Variants in MAST2 observed in about 807,000 individuals in gnomAD.
MAST2 encodes the protein microtubule associated serine/threonine kinase 2.
In MAST2, 70 loss-of-function variants were observed where a neutral mutation model predicts 147.4. That is an observed-to-expected ratio of 0.47 (90% confidence interval 0.39 to 0.58). The LOEUF is 0.58. Among genes scored for constraint, MAST2 ranks in the 20% least tolerant of loss-of-function variants. The pLI, the probability that MAST2 is intolerant of heterozygous loss-of-function variation, is 0.00. For missense variants in MAST2, 2,080 were observed against 2,302.3 expected, an observed-to-expected ratio of 0.90 and a Z score of 1.98; for synonymous variants, 869 against 896.8, an observed-to-expected ratio of 0.97 and a Z score of 0.55.
rs1220098516 is a variant in MAST2 at position 45,899,453 on chromosome 1, G to C, written c.500+17058G>C. Among the ~76,000 whole-genome samples, 3 of 151,688 alleles carry C rather than the reference G, an allele frequency of 2.0e-5. No homozygotes were observed. The East Asian group carries it at 5.8e-4, about 30-fold the overall frequency. On this transcript the variant is annotated intron_variant, in intron 4 of 28. Coordinates refer to ENST00000361297, the MANE Select transcript of MAST2 (RefSeq NM_015112.3). The stretch of plus-strand genomic sequence containing the variant: ...CTCAATAGGTAGTTTTTCTATGCTT[G>C]CCATACCTCCTCTCCCCTTTTGGAG...
At chr1:45,912,836 T>TA (rs1200689995) in intron 4 of MAST2, among the ~76,000 whole-genome samples, 5 of 152,250 alleles carry the variant, frequency 3.3e-5, no homozygotes, top group African/African-American at 1.2e-4. Context: ...GGGCAAGACT[T>TA]ACAGTAATAG....
chr1:45,965,444 C>A (rs1403602253), intron 5 of MAST2, among the ~76,000 whole-genome samples: 1 of 152,108 alleles, frequency 6.6e-6, no homozygotes, highest in Non-Finnish European at 1.5e-5. Flanking sequence ...ATAGTTAGCT[C>A]TTCTTGTTGA....
chr1:45,857,850 G>GTTTTTTTTTTTTTTTTTTTTTTTT (rs35371770), intron 3 of MAST2, among the ~76,000 whole-genome samples: 2 of 66,574 alleles, frequency 3.0e-5, no homozygotes, highest in Non-Finnish European at 5.5e-5. Context: ...AACATGCGGT[G>GTTTTTTTTTTTTTTTTTTTTTTTT]TTTTTTTTTT....
At chr1:45,976,933 A>G (rs1425396086) in intron 5 of MAST2, among the ~76,000 whole-genome samples, 2 of 152,200 alleles carry the variant, frequency 1.3e-5, no homozygotes, top group African/African-American at 4.8e-5. Flanking sequence ...TCAAATTTAC[A>G]CGTATTCAGA....
intron 1 of MAST2, among the ~76,000 whole-genome samples, chr1:45,805,050 A>AC (rs1644098675): frequency 1.7e-5 from 1 of 58,152 alleles, no homozygotes; most frequent in Non-Finnish European, 3.2e-5. Flanking sequence ...TTTTCCTTAG[A>AC]CATTTTTTTT....
chr1:45,812,017 G>A (rs1481952209), intron 1 of MAST2, among the ~76,000 whole-genome samples: 2 of 151,784 alleles, frequency 1.3e-5, no homozygotes, highest in Non-Finnish European at 2.9e-5. Context: ...TGATCTGCCC[G>A]CCTTGGCCTC....
At chr1:45,987,776 G>GTTTTTTTTTTT (rs1644692974) in intron 5 of MAST2, among the ~76,000 whole-genome samples, 7 of 30,708 alleles carry the variant, frequency 2.3e-4, no homozygotes, top group Admixed American at 4.2e-4. Context: ...TTTTTTTTTT[G>GTTTTTTTTTTT]ATTTTTTTTT....
chr1:45,868,024 A>G (rs548216707), intron 3 of MAST2, among the ~76,000 whole-genome samples: 1 of 152,352 alleles, frequency 6.6e-6, no homozygotes, highest in African/African-American at 2.4e-5. Context: ...GTCACACACT[A>G]CAACATCCCT....
intron 5 of MAST2, among the ~76,000 whole-genome samples, chr1:45,995,348 C>CTTCTTCT (rs1417079489): frequency 6.6e-6 from 1 of 152,126 alleles, no homozygotes; most frequent in African/African-American, 2.4e-5. Context: ...ATGTACTTCT[C>CTTCTTCT]TTCTTCTTTC....
chr1:45,947,706 C>G (rs1658278894), intron 4 of MAST2, among the ~76,000 whole-genome samples: 1 of 152,192 alleles, frequency 6.6e-6, no homozygotes, highest in Non-Finnish European at 1.5e-5. Flanking sequence ...ACCTGATAGT[C>G]TCAGCCCAAA....
chr1:45,933,489 T>C (rs961290332), intron 4 of MAST2, among the ~76,000 whole-genome samples: 3 of 151,298 alleles, frequency 2.0e-5, no homozygotes, highest in Admixed American at 6.6e-5. Context: ...CCTTTAATCC[T>C]AGCACTTTGG....
intron 3 of MAST2, among the ~76,000 whole-genome samples, chr1:45,852,059 A>G (rs1373170254): frequency 2.0e-5 from 3 of 152,164 alleles, no homozygotes; most frequent in Non-Finnish European, 4.4e-5. Flanking sequence ...CAATAGTGTC[A>G]TCTTATATAG....
At chr1:45,983,272 C>T (rs2149070949) in intron 5 of MAST2, among the ~76,000 whole-genome samples, 1 of 152,266 alleles carries the variant, frequency 6.6e-6, no homozygotes, top group Non-Finnish European at 1.5e-5. Context: ...AAAGACTTAT[C>T]ATATGATGCC....
intron 5 of MAST2, among the ~76,000 whole-genome samples, chr1:45,985,151 G>A (rs1001480962): frequency 6.6e-6 from 1 of 151,872 alleles, no homozygotes; most frequent in South Asian, 2.1e-4. Context: ...TCCACCTCCC[G>A]GGTTCAAATG....
chr1:45,823,019 TACC>T (rs1017605047), intron 1 of MAST2, among the ~76,000 whole-genome samples: 1 of 152,194 alleles, frequency 6.6e-6, no homozygotes, highest in Admixed American at 6.5e-5. Context: ...TTTATTCACT[TACC>T]ACCATGTTTT....
chr1:45,847,263 T>G, intron 3 of MAST2: 2 of 510,234 alleles, frequency 3.9e-6, no homozygotes, highest in Non-Finnish European at 7.9e-6. Flanking sequence ...CATCGTCTGC[T>G]TGATGATGGT....
chr1:45,917,754 T>G (rs993594107), intron 4 of MAST2, among the ~76,000 whole-genome samples: 7 of 152,198 alleles, frequency 4.6e-5, no homozygotes, highest in African/African-American at 7.2e-5. Context: ...TTATAAGTTG[T>G]GTGCCCATCC....
At chr1:45,807,280 C>T (rs1181542240) in intron 1 of MAST2, among the ~76,000 whole-genome samples, 1 of 152,074 alleles carries the variant, frequency 6.6e-6, no homozygotes, top group African/African-American at 2.4e-5. Flanking sequence ...CTTCCTGTTC[C>T]TGAAATGTTC....
chr1:45,964,059 T>A (rs970237699), intron 5 of MAST2, among the ~76,000 whole-genome samples: 7 of 152,172 alleles, frequency 4.6e-5, no homozygotes, highest in Non-Finnish European at 7.4e-5. Context: ...CATCCCAGGG[T>A]TGAAGCCCAC....
Sources: gnomAD v4.1 joint callset for allele counts (sites outside exome capture counted in the v4.1 genomes callset) on GRCh38, gnomAD v4.1.1 for gene constraint, MANE v1.5 for transcripts, NCBI Gene and HGNC (gene_info 2026-07-23, HGNC 2026-07-21) for gene names.